Variants in CCDC146 observed in about 807,000 individuals in gnomAD.
The protein encoded by CCDC146 is coiled-coil domain-containing protein 146.
CCDC146 carries 92 observed loss-of-function variants against 119.3 expected under a neutral mutation model. That is an observed-to-expected ratio of 0.77 (90% CI 0.65 to 0.92). CCDC146 has a LOEUF of 0.92. Among genes scored for constraint, CCDC146 ranks in the 40% least tolerant of loss-of-function variants. The pLI, the probability that CCDC146 is intolerant of heterozygous loss-of-function variation, is 0.00. For synonymous variants in CCDC146, 372 were observed against 371.8 expected (o/e 1.00, Z -0.01); for missense variants, 1,000 against 1,103.0 (o/e 0.91, Z 1.32).
chr7:77,218,116 C>A (rs1562836461), intron 2 of CCDC146, among the ~76,000 whole-genome samples: 1 of 152,048 alleles, frequency 6.6e-6, no homozygotes, highest in East Asian at 1.9e-4. Flanking sequence ...TGTCAGTAAG[C>A]AATAGGAATT....
At chr7:77,256,177 G>A (rs566119561) in intron 5 of CCDC146, among the ~76,000 whole-genome samples, 156 bp from the exon 6 acceptor site, 17 of 152,228 alleles carry the variant, frequency 1.1e-4, no homozygotes, top group Admixed American at 1.1e-3. Context: ...GTTGCATTTA[G>A]CTTTATGAGA....
intron 2 of CCDC146, among the ~76,000 whole-genome samples, chr7:77,191,847 G>C (rs575968366): frequency 5.9e-5 from 9 of 152,014 alleles, no homozygotes; most frequent in African/African-American, 2.2e-4. Flanking sequence ...GAGGCGGAGC[G>C]TGCAGTGAGC....
At chr7:77,193,765 A>T (rs1344599826) in intron 2 of CCDC146, 2 of 152,412 alleles carry the variant, frequency 1.3e-5, no homozygotes, top group African/African-American at 4.8e-5. Flanking sequence ...CAATATTTTC[A>T]AGTAATCATG....
intron 15 of CCDC146, among the ~76,000 whole-genome samples, chr7:77,284,131 C>T (rs1035749658): frequency 1.6e-4 from 25 of 152,194 alleles, no homozygotes; most frequent in African/African-American, 5.3e-4. Flanking sequence ...ACCCCTTCCT[C>T]AGGCTACACC....
chr7:77,261,096 T>G (rs903794176), intron 8 of CCDC146, among the ~76,000 whole-genome samples: 1 of 152,204 alleles, frequency 6.6e-6, no homozygotes, highest in Admixed American at 6.5e-5. Flanking sequence ...AACATGAGAA[T>G]AGTCATGTGT....
At chr7:77,205,913 A>T (rs935849919) in intron 2 of CCDC146, among the ~76,000 whole-genome samples, 24 of 152,250 alleles carry the variant, frequency 1.6e-4, no homozygotes, top group African/African-American at 5.8e-4. Flanking sequence ...GAAATCACCA[A>T]GAAAAAGCAC....
rs1251728512 is a variant in CCDC146 at position 77,144,676 on chromosome 7, A to G, written c.-12+21944A>G. Among the ~76,000 whole-genome samples, 3 of 151,718 alleles carry G rather than the reference A, an allele frequency of 2.0e-5. No individual in the cohort carries two copies. The East Asian group carries it at 5.8e-4, about 29-fold the overall frequency. Reference sequence around the variant, plus strand: ...TTTTTCTGCATCTATTGAGATAATCATGTGGTTTTTGTCATTGGTTCTGTT... The same window carrying G: ...TTTTTCTGCATCTATTGAGATAATCGTGTGGTTTTTGTCATTGGTTCTGTT... On this transcript the variant is annotated intron_variant, in intron 1 of 18. Transcript: ENST00000285871.
chr7:77,217,329 TAC>T (rs34434670), intron 2 of CCDC146, among the ~76,000 whole-genome samples: 41,669 of 149,248 alleles, frequency 0.28, 7,742 homozygotes, highest in African/African-American at 0.51. Flanking sequence ...TGACATTTTC[TAC>T]ACACACACAC....
At chr7:77,208,525 C>A (rs1792120974) in intron 2 of CCDC146, among the ~76,000 whole-genome samples, 1 of 152,184 alleles carries the variant, frequency 6.6e-6, no homozygotes, top group Non-Finnish European at 1.5e-5. Flanking sequence ...CTTATGGCAC[C>A]ACCATCCTAT....
chr7:77,166,669 C>T (rs1046566646), intron 1 of CCDC146, among the ~76,000 whole-genome samples: 34 of 151,994 alleles, frequency 2.2e-4, no homozygotes, highest in African/African-American at 5.1e-4. Context: ...TTGCTATTCA[C>T]GTATTACTAT....
chr7:77,293,112 T>G lies in CCDC146; in HGVS notation c.2576T>G (p.Leu859Arg). 1 of 1,614,178 alleles carries G rather than the reference T, an allele frequency of 6.2e-7. No homozygotes were observed. Among genetic ancestry groups the G allele is most frequent in the South Asian group, 1.1e-5 (1 of 91,090 alleles). The change falls in exon 18 of 19, where the codon CTG becomes CGG. Residue 859 changes from leucine (L) to arginine (R), a missense_variant. Transcript: ENST00000285871. ...TGCAATTCCAGGATAGAAAAAGGTC[T>G]GCCACTCAATAAGGAAATTGAGAAA... ...FTCNSRIEKG[L>R]PLNKEIEKEW...
Position 77,238,434 on chromosome 7 carries a change from T to A in CCDC146, c.239+1405T>A, listed in dbSNP as rs886555231. 2.0e-5 allele frequency among the ~76,000 whole-genome samples: 3 copies of A among 152,122 alleles called. No individual in the cohort carries two copies. The South Asian group carries it at 6.2e-4, about 32-fold the overall frequency. ...CCCTCTGGATAGCTCTTCTTTTTTT[T>A]TAGACAGAGTCTCCCTCTGTCACCC... On this transcript the variant is annotated intron_variant, in intron 3 of 18. Transcript: ENST00000285871.
intron 17 of CCDC146, among the ~76,000 whole-genome samples, chr7:77,292,534 G>A (rs1240329114): frequency 1.3e-5 from 2 of 150,290 alleles, no homozygotes; most frequent in African/African-American, 2.4e-5. Flanking sequence ...GGAGAATGGC[G>A]TGAACCTGGG....
rs551617644 is a variant in CCDC146, at chr7:77,260,109, A to G, written c.859A>G (p.Lys287Glu). 4.3e-6 allele frequency: 7 copies of G among 1,614,068 alleles called. No individual in the cohort carries two copies. In the South Asian group the frequency reaches 6.6e-5, roughly 15 times the overall value. Residue 287 changes from lysine to glutamate, a missense_variant, in exon 8 of 19, where the codon AAG becomes GAG. Physicochemically the swap from Lys to Glu is moderately conservative, Grantham distance 56 (BLOSUM62 1). Coordinates refer to ENST00000285871, the MANE Select transcript of CCDC146 (RefSeq NM_020879.3). ...ENKVSAIVDE[K>E]ENVIKEVEGK... ...CAAGGTTAGTGCTATAGTGGATGAG[A>G]AGGAAAATGTAATAAAGGAAGTTGA...
intron 8 of CCDC146, 88 bp from the exon 9 acceptor site, chr7:77,262,033 T>C: frequency 9.0e-7 from 1 of 1,107,580 alleles, no homozygotes; most frequent in South Asian, 1.6e-5. Context: ...GGAGCCAATA[T>C]TCAGCATGCT....
At chr7:77,126,082 A>G (rs1347698526) in intron 1 of CCDC146, among the ~76,000 whole-genome samples, 1 of 152,114 alleles carries the variant, frequency 6.6e-6, no homozygotes, top group East Asian at 1.9e-4. Context: ...AACAATTAGG[A>G]AGTTAGCAGT....
rs956324898 is a variant in CCDC146, at chr7:77,262,047, T to A, written c.987-74T>A. 1.1e-5 allele frequency: 14 copies of A among 1,243,862 alleles called. No individual in the cohort carries two copies. In the Admixed American group the frequency reaches 3.3e-4, roughly 29 times the overall value. 77.1% of individuals were successfully genotyped at this position (1,243,862 alleles called of 1,614,324 possible). ...GGGAGCCAATATTCAGCATGCTGTC[T>A]TGATAAGTTTTGAAAAACATTTAGG... On this transcript the variant is annotated intron_variant, in intron 8 of 18. Coordinates refer to ENST00000285871, the MANE Select transcript of CCDC146 (RefSeq NM_020879.3).
At chr7:77,131,951 G>GAA (rs1305501716) in intron 1 of CCDC146, among the ~76,000 whole-genome samples, 5 of 152,326 alleles carry the variant, frequency 3.3e-5, no homozygotes, top group Admixed American at 6.5e-5. Flanking sequence ...CAAGGGAAGG[G>GAA]AAAGAACTGT....
chr7:77,206,586 T>C (rs3114362), intron 2 of CCDC146, among the ~76,000 whole-genome samples: 1,982 of 150,858 alleles, frequency 0.013, 19 homozygotes, highest in Non-Finnish European at 0.015. Flanking sequence ...TGAGCTGAGA[T>C]TGCACCACTG....
Sources: gnomAD v4.1 joint callset for allele counts (sites outside exome capture counted in the v4.1 genomes callset) on GRCh38, gnomAD v4.1.1 for gene constraint, MANE v1.5 for transcripts, NCBI Gene and HGNC (gene_info 2026-07-23, HGNC 2026-07-21) for gene names.